Variants in CNIH3 observed in about 807,000 individuals in gnomAD.
The protein encoded by CNIH3 is cornichon family AMPA receptor auxiliary protein 3.
A neutral mutation model predicts 24.1 loss-of-function variants in CNIH3; 14 were observed. The ratio of observed to expected loss-of-function variants is 0.58; its 90% CI spans 0.38 to 0.91. The LOEUF is 0.91. Among genes scored for constraint, CNIH3 ranks in the 40% least tolerant of loss-of-function variants. The probability of loss-of-function intolerance (pLI) is 0.00; values close to 1 mark genes in which losing one functional copy is unlikely to be tolerated. For missense variants in CNIH3, 178 were observed against 196.8 expected (o/e 0.90, Z 0.57); for synonymous variants, 68 against 73.8 (o/e 0.92, Z 0.40).
intron 3 of CNIH3, among the ~76,000 whole-genome samples, chr1:224,699,232 T>C (rs1687347450): frequency 6.6e-6 from 1 of 152,304 alleles, no homozygotes; most frequent in Non-Finnish European, 1.5e-5. Context: ...GACTACCATC[T>C]CTTCTCCACT....
chr1:224,637,129 A>G (rs1684124852), intron 1 of CNIH3, among the ~76,000 whole-genome samples: 1 of 151,360 alleles, frequency 6.6e-6, no homozygotes, highest in African/African-American at 2.4e-5. Context: ...TTTTTTTTGT[A>G]TTTTTAGTAG....
chr1:224,706,434 A>G (rs1404661291), intron 3 of CNIH3, among the ~76,000 whole-genome samples: 1 of 152,152 alleles, frequency 6.6e-6, no homozygotes, highest in East Asian at 1.9e-4. Flanking sequence ...TTGCTAGAGC[A>G]CATGTACCCT....
intron 1 of CNIH3, among the ~76,000 whole-genome samples, chr1:224,509,969 C>T (rs1317127029): frequency 3.9e-5 from 6 of 152,322 alleles, no homozygotes; most frequent in South Asian, 2.1e-4. Context: ...CCTCGATGCA[C>T]GAACCATAGA....
intron 4 of CNIH3, chr1:224,574,788 G>A (rs1680965811): frequency 9.5e-7 from 1 of 1,049,926 alleles, no homozygotes; most frequent in African/African-American, 1.6e-5. Context: ...CTTCAAGCCT[G>A]GGAAGGAATT....
chr1:224,620,692 C>G (rs570123599), intron 1 of CNIH3, among the ~76,000 whole-genome samples: 1 of 151,968 alleles, frequency 6.6e-6, no homozygotes, highest in Non-Finnish European at 1.5e-5. Flanking sequence ...AAGATTATCT[C>G]TTGTGTATTT....
At chr1:224,695,385 CACACA>C (rs1687115826) in intron 3 of CNIH3, among the ~76,000 whole-genome samples, 2 of 146,732 alleles carry the variant, frequency 1.4e-5, no homozygotes, top group African/African-American at 2.7e-5. Flanking sequence ...CACACACACA[CACACA>C]CACACCCCTG....
chr1:224,617,128 T>C lies in CNIH3; in HGVS notation c.-47T>C. The stretch of plus-strand genomic sequence containing the variant: ...GCGGTCCTCTAGGGAGGCATCGGGC[T>C]CCTAGGGGCTTCTTGGCGTGTGTGG... On this transcript the variant is annotated 5_prime_UTR_variant, in exon 1 of 6. Coordinates refer to ENST00000272133, the MANE Select transcript of CNIH3 (RefSeq NM_152495.2). 1 of 1,607,202 alleles carries C rather than the reference T, an allele frequency of 6.2e-7. No individual in the cohort carries two copies. The highest frequency in any genetic ancestry group is 8.5e-7 in the Non-Finnish European group (1 of 1,176,842).
intron 2 of CNIH3, among the ~76,000 whole-genome samples, chr1:224,682,350 A>G (rs1686442641): frequency 6.6e-6 from 1 of 152,186 alleles, no homozygotes; most frequent in South Asian, 2.1e-4. Flanking sequence ...CTAGGACTTG[A>G]ACCCAGGCTT....
intron 1 of CNIH3, among the ~76,000 whole-genome samples, chr1:224,658,170 A>G (rs1685187003): frequency 6.6e-6 from 1 of 152,088 alleles, no homozygotes; most frequent in South Asian, 2.1e-4. Flanking sequence ...GTATGTATTT[A>G]TTTGTTTATT....
At position 224,543,267 on chromosome 1, in the gene CNIH3, C is replaced by T. The variant is rs1679580118; in HGVS notation, n.340-3562C>T. ...CCTGATTCTATGGGGAAAGAGGGCA[C>T]AGGAGCTCTATGTGTGGGATCCTTC... On this transcript the variant is annotated intron_variant and non_coding_transcript_variant, in intron 2 of 5. Transcript: ENST00000471578. Among the ~76,000 whole-genome samples, 3 of 152,136 alleles carry T rather than the reference C, an allele frequency of 2.0e-5. No individual in the cohort carries two copies. The South Asian group carries it at 6.2e-4, about 31-fold the overall frequency.
intron 1 of CNIH3, among the ~76,000 whole-genome samples, chr1:224,662,315 T>C (rs1685402643): frequency 6.6e-6 from 1 of 152,220 alleles, no homozygotes; most frequent in Admixed American, 6.5e-5. Flanking sequence ...ATTATTTCCT[T>C]GTTAATTATT....
chr1:224,596,851 G>T (rs778653544), intron 3 of CNIH3, among the ~76,000 whole-genome samples: 1 of 152,074 alleles, frequency 6.6e-6, no homozygotes, highest in Non-Finnish European at 1.5e-5. Context: ...ACAAAAGCAG[G>T]CATCAAAAAA....
chr1:224,727,169 G>A (rs1160036806), intron 3 of CNIH3, among the ~76,000 whole-genome samples: 1 of 152,248 alleles, frequency 6.6e-6, no homozygotes, highest in East Asian at 1.9e-4. Context: ...TGAGTGGATG[G>A]TTGGGGGAGG....
At chr1:224,681,146 C>A in intron 2 of CNIH3, 120 bp downstream of exon 2, 1 of 824,456 alleles carries the variant, frequency 1.2e-6, no homozygotes, top group Non-Finnish European at 2.1e-6. Context: ...CCTCACTGTG[C>A]CTCTCTACCT....
upstream of CNIH3, among the ~76,000 whole-genome samples, chr1:224,612,774 T>C (rs1266305305): frequency 6.6e-6 from 1 of 151,846 alleles, no homozygotes; most frequent in Non-Finnish European, 1.5e-5. The surrounding 1 kb of genome is among the most constrained non-coding windows in gnomAD (Gnocchi z 4.7). Flanking sequence ...AAGCGAGGAC[T>C]CCGTAAACAA....
intron 1 of CNIH3, among the ~76,000 whole-genome samples, chr1:224,446,871 C>T (rs78530295): frequency 1.3e-5 from 2 of 152,132 alleles, no homozygotes; most frequent in East Asian, 3.9e-4. Context: ...CAGACTGGAC[C>T]CAGCTGAGCC....
chr1:224,623,978 C>T (rs566300984), intron 1 of CNIH3, among the ~76,000 whole-genome samples: 6 of 152,346 alleles, frequency 3.9e-5, no homozygotes, highest in Non-Finnish European at 8.8e-5. Context: ...ATCCTGCCTG[C>T]CGTCACCTCT....
chr1:224,506,260 T>TGC (rs1677903673), intron 1 of CNIH3, among the ~76,000 whole-genome samples: 2 of 138,426 alleles, frequency 1.4e-5, no homozygotes, highest in African/African-American at 5.4e-5. Flanking sequence ...TACACTCATA[T>TGC]GCACGCACAC....
intron 1 of CNIH3, chr1:224,661,752 G>T: frequency 4.9e-6 from 1 of 202,580 alleles, no homozygotes. Context: ...CTACTTGTTT[G>T]AATTTTCTCT....
Sources: allele counts gnomAD v4.1 joint callset (sites outside exome capture counted in the v4.1 genomes callset), GRCh38; gene constraint gnomAD v4.1.1; non-coding constraint Gnocchi (gnomAD v3.1); transcripts MANE v1.5; gene names NCBI Gene and HGNC (gene_info 2026-07-23, HGNC 2026-07-21).